BCO2: variants seen among roughly 807,000 people sequenced by gnomAD.
BCO2 encodes the protein carotenoid-cleaving dioxygenase, mitochondrial.
A neutral mutation model predicts 65.8 loss-of-function variants in BCO2; 56 were observed. The observed-to-expected ratio is 0.85, with a 90% CI of 0.69 to 1.06. The LOEUF (loss-of-function observed/expected upper bound fraction) is 1.06, where lower values mean the gene tolerates loss of function less well. BCO2 is among the 50% of genes least tolerant of loss of function. The pLI is 0.00. For missense variants in BCO2, 675 were observed against 698.5 expected, an observed-to-expected ratio of 0.97 and a Z score of 0.38; for synonymous variants, 233 against 242.3, an observed-to-expected ratio of 0.96 and a Z score of 0.36.
At chr11:112,190,583 G>T (rs143248363) in intron 2 of BCO2, among the ~76,000 whole-genome samples, 4 of 152,192 alleles carry the variant, frequency 2.6e-5, no homozygotes, top group African/African-American at 9.6e-5. Context: ...TTGGCTGGGC[G>T]CAGTGGCTCA....
chr11:112,217,911 T>G lies in BCO2; in HGVS notation c.*37T>G, dbSNP rs768241733. 7.0e-7 allele frequency: 1 copy of G among 1,428,950 alleles called. No homozygotes were observed. Among genetic ancestry groups the G allele is most frequent in the Non-Finnish European group, 9.8e-7 (1 of 1,024,638 alleles). 88.5% of individuals were successfully genotyped at this position (1,428,950 alleles called of 1,614,324 possible). A position where few individuals can be genotyped will look rare whatever the true frequency, so the allele number is the denominator to read the frequency against. ...CAAGGTCTGGAAACTAGGTTTAAAA[T>G]AAGTGTGCACTTGGACATAAAGACT... On this transcript the variant is annotated 3_prime_UTR_variant, in exon 12 of 12. Coordinates refer to ENST00000357685, the MANE Select transcript of BCO2 (RefSeq NM_031938.7).
intron 2 of BCO2, among the ~76,000 whole-genome samples, chr11:112,182,686 C>A (rs984892791): frequency 6.7e-6 from 1 of 148,944 alleles, no homozygotes; most frequent in African/African-American, 2.5e-5. Flanking sequence ...GAACATCACA[C>A]ACTGGGGGGC....
At chr11:112,215,120 T>A in intron 10 of BCO2, 176 bp downstream of exon 10, 1 of 628,594 alleles carries the variant, frequency 1.6e-6, no homozygotes, top group Non-Finnish European at 2.7e-6. Flanking sequence ...TTCTAGGGAA[T>A]CCAAATTGAC....
chr11:112,199,380 G>C (rs1306344869), intron 5 of BCO2, among the ~76,000 whole-genome samples: 1 of 152,162 alleles, frequency 6.6e-6, no homozygotes, highest in Non-Finnish European at 1.5e-5. Flanking sequence ...TGAGTTGGTT[G>C]CAAGTCTTTG....
At chr11:112,203,143 G>A (rs1002766367) in intron 8 of BCO2, among the ~76,000 whole-genome samples, 6 of 151,806 alleles carry the variant, frequency 4.0e-5, no homozygotes, top group Non-Finnish European at 7.4e-5. Context: ...AAAGTAGACC[G>A]TCAATCAGTC....
chr11:112,210,574 G>T (rs1301565831), intron 8 of BCO2, among the ~76,000 whole-genome samples: 1 of 152,058 alleles, frequency 6.6e-6, no homozygotes, highest in Non-Finnish European at 1.5e-5. Context: ...TGTCACTCTA[G>T]CCCTCAAAAC....
rs71060232 is a variant in BCO2, at chr11:112,211,319, T to TAC, written c.1195-2373_1195-2372dup. Among the ~76,000 whole-genome samples the TAC allele has an allele frequency of 4.1e-3, 524 of 128,488 alleles. 2 individuals carry two copies. The highest frequency in any genetic ancestry group is 4.7e-3 in the African/African-American group (147 of 31,520). 84.3% of individuals were successfully genotyped at this position (128,488 alleles called of 152,430 possible). A position where few individuals can be genotyped will look rare whatever the true frequency, so the allele number is the denominator to read the frequency against. On this transcript the variant is annotated intron_variant, in intron 8 of 11. Transcript: ENST00000357685. ...TAAGGTTAAATAATATTCGATTGTA[T>TAC]ACACACACACACACACACACACACA... is the stretch of plus-strand genomic sequence containing the variant.
intron 2 of BCO2, among the ~76,000 whole-genome samples, chr11:112,184,631 C>T (rs1416863464): frequency 6.6e-6 from 1 of 152,018 alleles, no homozygotes; most frequent in Non-Finnish European, 1.5e-5. Context: ...AGGCATTTGG[C>T]TCGTCCAAGA....
At chr11:112,215,689 CA>C (rs1859653054) in intron 10 of BCO2, 1 of 148,116 alleles carries the variant, frequency 6.8e-6, no homozygotes, top group Non-Finnish European at 1.5e-5. Context: ...AGCCTGGCGA[CA>C]GTGCGAGATT....
intron 2 of BCO2, among the ~76,000 whole-genome samples, chr11:112,187,270 A>C (rs1867227314): frequency 1.3e-5 from 2 of 151,950 alleles, no homozygotes; most frequent in Admixed American, 1.3e-4. Context: ...TTTCAACACC[A>C]CGCTCACTTC....
At chr11:112,206,162 G>A (rs1014246090) in intron 8 of BCO2, among the ~76,000 whole-genome samples, 3 of 150,214 alleles carry the variant, frequency 2.0e-5, no homozygotes, top group Non-Finnish European at 3.0e-5. Context: ...CAGACAGGGC[G>A]GGGGCCGGGC....
Position 112,193,591 on chromosome 11 carries a change from A to C in BCO2, c.411A>C (p.Lys137Asn). 6.2e-7 allele frequency: 1 copy of C among 1,614,154 alleles called. No homozygotes were observed. The highest frequency in any genetic ancestry group is 8.5e-7 in the Non-Finnish European group (1 of 1,180,024). Residue 137 changes from lysine to asparagine, a missense_variant, in exon 3 of 12, where the codon AAA becomes AAC. Lys to Asn is a moderately conservative substitution (Grantham distance 94). Transcript: ENST00000357685. The part of the protein sequence containing the change: ...QSDTYKANSA[K>N]NRIVISEFGT... ...ATACATATAAGGCCAACAGTGCTAA[A>C]AACCGAATTGTGATCTCAGAATTTG...
In BCO2 at chr11:112,210,762, A is replaced by G. The variant is rs899918392; in HGVS notation, c.1195-2962A>G. Among the ~76,000 whole-genome samples the G allele has an allele frequency of 1.5e-4, 22 of 145,398 alleles. No homozygotes were observed. The South Asian group carries it at 2.4e-3, about 16-fold the overall frequency. On this transcript the variant is annotated intron_variant, in intron 8 of 11. Coordinates refer to ENST00000357685, the MANE Select transcript of BCO2 (RefSeq NM_031938.7). The stretch of plus-strand genomic sequence containing the variant: ...AGCATAGAACTAAATACACGCACAC[A>G]CACACACACACACACACACACGAAT...
At chr11:112,176,809 G>C (rs1300884267) in intron 1 of BCO2, among the ~76,000 whole-genome samples, 1 of 152,140 alleles carries the variant, frequency 6.6e-6, no homozygotes, top group Non-Finnish European at 1.5e-5. Flanking sequence ...CTGAGGCTCA[G>C]AGACATTAAG....
chr11:112,211,049 C>A (rs529163240), intron 8 of BCO2, among the ~76,000 whole-genome samples: 1 of 151,938 alleles, frequency 6.6e-6, no homozygotes, highest in Non-Finnish European at 1.5e-5. Flanking sequence ...TATCCATTTC[C>A]AGAACATTTT....
intron 5 of BCO2, among the ~76,000 whole-genome samples, chr11:112,198,289 C>A (rs1178438588): frequency 6.6e-6 from 1 of 151,900 alleles, no homozygotes; most frequent in East Asian, 1.9e-4. Context: ...CACCACTGTA[C>A]TCCAGACTGG....
At position 112,194,767 on chromosome 11, in the gene BCO2, A is replaced by G. The variant is rs1465228726; in HGVS notation, c.736+12A>G. ...CTTTGGGCCATATGGTAAAGTTGCA[A>G]TAAAGGTCTTTTTAGAAATAATTGA... is the stretch of plus-strand genomic sequence containing the variant. On this transcript the variant is annotated intron_variant, in intron 5 of 11. Coordinates refer to ENST00000357685, the MANE Select transcript of BCO2 (RefSeq NM_031938.7). 6 of 1,523,636 alleles carry G rather than the reference A, an allele frequency of 3.9e-6. No homozygotes were observed. Among genetic ancestry groups the G allele is most frequent in the Non-Finnish European group, 5.4e-6 (6 of 1,104,868 alleles). 94.4% of individuals were successfully genotyped at this position (1,523,636 alleles called of 1,614,324 possible). A position where few individuals can be genotyped will look rare whatever the true frequency, so the allele number is the denominator to read the frequency against.
intron 8 of BCO2, among the ~76,000 whole-genome samples, chr11:112,211,634 TG>T (rs1859515735): frequency 6.6e-6 from 1 of 152,224 alleles, no homozygotes; most frequent in Non-Finnish European, 1.5e-5. Flanking sequence ...TGTTATTTTC[TG>T]GGTTTTAAAA....
chr11:112,189,128 G>C (rs1158033729), intron 2 of BCO2, among the ~76,000 whole-genome samples: 3 of 152,112 alleles, frequency 2.0e-5, no homozygotes, highest in African/African-American at 7.2e-5. Context: ...AGACTTTGAA[G>C]GCCTTTATGC....
Sources: allele counts gnomAD v4.1 joint callset (sites outside exome capture counted in the v4.1 genomes callset), GRCh38; gene constraint gnomAD v4.1.1; transcripts MANE v1.5; gene names NCBI Gene and HGNC (gene_info 2026-07-23, HGNC 2026-07-21).